The following MVP variants were observed in gnomAD, a reference collection of about 807,000 sequenced individuals.
MVP encodes lung resistance-related protein.
In MVP, 62 loss-of-function variants were observed where a neutral mutation model predicts 83.5. The observed-to-expected ratio is 0.74, with a 90% CI of 0.61 to 0.92. The LOEUF is 0.92. Ranked by LOEUF, MVP falls within the 40% of genes least tolerant of loss-of-function variation. The probability of loss-of-function intolerance (pLI) is 0.00; values close to 1 mark genes in which losing one functional copy is unlikely to be tolerated. For synonymous variants in MVP, 505 were observed against 504.1 expected (o/e 1.00, Z -0.02); for missense variants, 1,000 against 1,203.4 (o/e 0.83, Z 2.50).
intron 6 of MVP, among the ~76,000 whole-genome samples, chr16:29,836,281 A>C (rs1226318154): frequency 6.6e-6 from 1 of 151,720 alleles, no homozygotes; most frequent in Non-Finnish European, 1.5e-5. Context: ...AAAAAAAAAA[A>C]AAAACAAAGC....
At chr16:29,822,916 C>T (rs1039374465) in intron 1 of MVP, among the ~76,000 whole-genome samples, 4 of 152,010 alleles carry the variant, frequency 2.6e-5, no homozygotes, top group African/African-American at 7.3e-5. Flanking sequence ...CGAAGTTTCA[C>T]CATGTTGGCC....
chr16:29,846,922 A>G (rs568517422), intron 13 of MVP, among the ~76,000 whole-genome samples: 1 of 152,264 alleles, frequency 6.6e-6, no homozygotes, highest in African/African-American at 2.4e-5. Context: ...TCAGGTCTCT[A>G]ACCCCAGCAC....
intron 7 of MVP, 199 bp from the exon 8 acceptor site, chr16:29,839,979 C>T (rs1038668377): frequency 7.5e-6 from 4 of 532,494 alleles, no homozygotes; most frequent in Non-Finnish European, 9.9e-6. Context: ...CACATTTGAC[C>T]AGATGAGATT....
At chr16:29,843,354 G>A (rs149306561) in intron 10 of MVP, among the ~76,000 whole-genome samples, 242 of 151,056 alleles carry the variant, frequency 1.6e-3, no homozygotes, top group African/African-American at 3.7e-3. Context: ...AACTAGCTGG[G>A]CATGGTGGTA....
At chr16:29,824,347 G>A (rs572905104) in intron 1 of MVP, among the ~76,000 whole-genome samples, 53 of 151,670 alleles carry the variant, frequency 3.5e-4, no homozygotes, top group African/African-American at 1.2e-3. Context: ...GAGTTAAAAT[G>A]CCAGTAGATT....
Position 29,833,771 on chromosome 16 carries a change from C to T in MVP, c.360C>T (p.Ala120=), listed in dbSNP as rs1226600984. ...TGCAGGTGGTTCTGCCCAACACTGC[C>T]CTCCATCTAAAGGCGCTGCTTGATT... ...TPLQVVLPNT[A]LHLKALLDFE... is the part of the protein sequence containing the mutation. Residue 120 remains alanine (A), a synonymous_variant, in exon 4 of 15, where the codon GCC becomes GCT. Transcript: ENST00000357402. 3.1e-6 allele frequency: 5 copies of T among 1,614,068 alleles called. No individual in the cohort carries two copies. The highest frequency in any genetic ancestry group is 3.4e-6 in the Non-Finnish European group (4 of 1,180,014).
In MVP at chr16:29,844,507, A is replaced by T; in HGVS notation, c.1649A>T (p.Asn550Ile). The change falls in exon 11 of 15, where the codon AAT becomes ATT. Residue 550 changes from asparagine (N) to isoleucine (I), a missense_variant. Coordinates refer to ENST00000357402, the MANE Select transcript of MVP (RefSeq NM_005115.5). ...TTTGTTCACAGGCACTTTGAGGTGA[A>T]TGACCGGAAGGACCCCCAAGAGACG... ...QLAYNWHFEV[N>I]DRKDPQETAK... 1 of 1,539,064 alleles carries T rather than the reference A, an allele frequency of 6.5e-7. No homozygotes were observed. Among genetic ancestry groups the T allele is most frequent in the Non-Finnish European group, 8.7e-7 (1 of 1,143,698 alleles).
chr16:29,845,466 C>T (rs369426852), intron 11 of MVP, among the ~76,000 whole-genome samples: 9 of 152,190 alleles, frequency 5.9e-5, no homozygotes, highest in African/African-American at 1.4e-4. Context: ...AGCTTCCCCC[C>T]GCCCCTGAGC....
At chr16:29,829,357 C>A (rs1415285633) in intron 1 of MVP, among the ~76,000 whole-genome samples, 1 of 148,784 alleles carries the variant, frequency 6.7e-6, no homozygotes, top group African/African-American at 2.5e-5. Flanking sequence ...TGGCATGTAC[C>A]TGTAGTCTCA....
chr16:29,843,325 C>CAA (rs1027625078), intron 10 of MVP, among the ~76,000 whole-genome samples: 1 of 139,310 alleles, frequency 7.2e-6, no homozygotes. Flanking sequence ...GACTCTGTTT[C>CAA]AAAAAAAAAA....
chr16:29,830,533 T>C lies in MVP; in HGVS notation c.-17T>C. On this transcript the variant is annotated 5_prime_UTR_variant, in exon 2 of 15. Coordinates refer to ENST00000357402, the MANE Select transcript of MVP (RefSeq NM_005115.5). The stretch of plus-strand genomic sequence containing the variant: ...CTACCAGTCATCTTCTTGTGAGCCC[T>C]GGGCTTAGGAGTCACCATGGCAACT... 1 of 1,613,268 alleles carries C rather than the reference T, an allele frequency of 6.2e-7. No homozygotes were observed. Among genetic ancestry groups the C allele is most frequent in the Non-Finnish European group, 8.5e-7 (1 of 1,179,540 alleles).
intron 7 of MVP, among the ~76,000 whole-genome samples, chr16:29,838,295 G>A (rs1253814300): frequency 1.3e-5 from 2 of 152,034 alleles, no homozygotes; most frequent in Non-Finnish European, 1.5e-5. Context: ...AATTAGCTGG[G>A]CATGGTGTCA....
chr16:29,836,948 G>A lies in MVP; in HGVS notation c.899G>A (p.Arg300His), dbSNP rs369128566. 1.5e-5 allele frequency: 24 copies of A among 1,611,794 alleles called. No individual in the cohort carries two copies. Among genetic ancestry groups the A allele is most frequent in the African/African-American group, 9.3e-5 (7 of 75,014 alleles). The change falls in exon 7 of 15, where the codon CGC becomes CAC. Residue 300 changes from arginine (R) to histidine (H), a missense_variant. By Grantham distance (29) the Arg-to-His change is conservative (BLOSUM62 0). Coordinates refer to ENST00000357402, the MANE Select transcript of MVP (RefSeq NM_005115.5). ...PDGKNQLGQK[R>H]VVKGEKSFFL... is the part of the protein sequence containing the mutation. ...GGCAAGAATCAGCTGGGGCAGAAGCGCGTGGTCAAGGTGAGGTCCCTACAC... is the reference window on the plus strand; with the variant it reads ...GGCAAGAATCAGCTGGGGCAGAAGCACGTGGTCAAGGTGAGGTCCCTACAC...
chr16:29,841,493 T>C lies in MVP; in HGVS notation c.1192-103T>C. 1 of 1,428,058 alleles carries C rather than the reference T, an allele frequency of 7.0e-7. No individual in the cohort carries two copies. Among genetic ancestry groups the C allele is most frequent in the Non-Finnish European group, 9.3e-7 (1 of 1,073,718 alleles). 88.5% of individuals were successfully genotyped at this position (1,428,058 alleles called of 1,614,324 possible). On this transcript the variant is annotated intron_variant, in intron 8 of 14. Coordinates refer to ENST00000357402, the MANE Select transcript of MVP (RefSeq NM_005115.5). The surrounding 1 kb of genome is among the most constrained non-coding windows in gnomAD (Gnocchi z 4.7). ...CTCCCCGTAGAGAAGGTGTTTAACC[T>C]CGTGGCGCGCCTTCCCTGGATGGGC...
rs1349868353 is a variant in MVP, at chr16:29,830,584, C to T, written c.35C>T (p.Pro12Leu). ...GAAGAGTTCATCATCCGCATCCCCC[C>T]ATACCACTATATCCATGTGCTGGAC... is the stretch of plus-strand genomic sequence containing the variant. Reference protein sequence around the residue: ...ATEEFIIRIPPYHYIHVLDQN... With the variant: ...ATEEFIIRIPLYHYIHVLDQN... Residue 12 changes from proline to leucine, a missense_variant, in exon 2 of 15, where the codon CCA becomes CTA. By Grantham distance (98) the Pro-to-Leu change is moderately conservative (BLOSUM62 -3). Coordinates refer to ENST00000357402, the MANE Select transcript of MVP (RefSeq NM_005115.5). The T allele has an allele frequency of 1.2e-6, 2 of 1,614,080 alleles. No individual in the cohort carries two copies. Among genetic ancestry groups the T allele is most frequent in the East Asian group, 2.2e-5 (1 of 44,878 alleles).
intron 3 of MVP, among the ~76,000 whole-genome samples, chr16:29,831,316 G>A (rs1271667334): frequency 6.6e-6 from 1 of 152,104 alleles, no homozygotes; most frequent in Admixed American, 6.6e-5. Flanking sequence ...ACCACGCCCG[G>A]CTAATTTTTG....
intron 1 of MVP, chr16:29,822,735 TGAGACAGAGTCTCGCTC>T (rs983101700): frequency 2.0e-5 from 3 of 152,216 alleles, no homozygotes; most frequent in African/African-American, 7.2e-5. Flanking sequence ...TTTTTGTTTT[TGAGACAGAGTCTCGCTC>T]TGTCCCCCAG....
intron 8 of MVP, 32 bp downstream of exon 8, chr16:29,840,491 A>ACGTGGC: frequency 3.2e-6 from 5 of 1,543,034 alleles, no homozygotes; most frequent in Non-Finnish European, 4.4e-6. Flanking sequence ...CAGTGCTGCC[A>ACGTGGC]CGTGGCCTTG....
chr16:29,840,220 C>G lies in MVP; in HGVS notation c.952C>G (p.Gln318Glu). The G allele has an allele frequency of 6.2e-7, 1 of 1,613,172 alleles. No individual in the cohort carries two copies. The highest frequency in any genetic ancestry group is 8.5e-7 in the Non-Finnish European group (1 of 1,179,368). The part of the protein sequence containing the change: ...FFLQPGEQLE[Q>E]GIQDVYVLSE... ...CCTCCAGCCAGGAGAGCAGCTGGAA[C>G]AAGGCATCCAGGATGTGTATGTGCT... The change falls in exon 8 of 15, where the codon CAA becomes GAA. Residue 318 changes from glutamine to glutamate, a missense_variant. Coordinates refer to ENST00000357402, the MANE Select transcript of MVP (RefSeq NM_005115.5).
Sources: allele counts gnomAD v4.1 joint callset (sites outside exome capture counted in the v4.1 genomes callset), GRCh38; gene constraint gnomAD v4.1.1; non-coding constraint Gnocchi (gnomAD v3.1); transcripts MANE v1.5; gene names NCBI Gene and HGNC (gene_info 2026-07-23, HGNC 2026-07-21).